The following BTBD16 variants were observed in gnomAD, a reference collection of about 807,000 sequenced individuals.
BTBD16 encodes the protein BTB/POZ domain-containing protein 16.
BTBD16 carries 66 observed loss-of-function variants against 67.4 expected under a neutral mutation model. The observed-to-expected ratio is 0.98, with a 90% CI of 0.80 to 1.20. BTBD16 has a LOEUF of 1.20. Ranked by LOEUF, BTBD16 falls within the 50% of genes most tolerant of loss-of-function variation. The pLI is 0.00. For synonymous variants in BTBD16, 242 were observed against 236.4 expected (o/e 1.02, Z -0.22); for missense variants, 634 against 616.0 (o/e 1.03, Z -0.31).
chr10:122,291,063 T>G lies in BTBD16; in HGVS notation c.476-17T>G, dbSNP rs746137609. ...CAGAGCCCCACACAGATGGCTCGCT[T>G]GGCTGTGCCTCCCCAGCCTTCGCCA... On this transcript the variant is annotated splice_polypyrimidine_tract_variant and intron_variant, in intron 6 of 15. Transcript: ENST00000260723. 6.2e-7 allele frequency: 1 copy of G among 1,605,206 alleles called. No homozygotes were observed. Among genetic ancestry groups the G allele is most frequent in the South Asian group, 1.1e-5 (1 of 89,180 alleles).
At chr10:122,280,217 A>G (rs2096349891) in intron 3 of BTBD16, among the ~76,000 whole-genome samples, 1 of 152,224 alleles carries the variant, frequency 6.6e-6, no homozygotes, top group Non-Finnish European at 1.5e-5. Flanking sequence ...ATTATATGAC[A>G]TGATTCATGT....
rs746223983 is a variant in BTBD16, at chr10:122,297,871, T to TG, written c.660+41dup. 56 of 1,605,570 alleles carry TG rather than the reference T, an allele frequency of 3.5e-5. 1 individual carries two copies. Among genetic ancestry groups the TG allele is most frequent in the Middle Eastern group, 3.3e-4 (2 of 5,998 alleles). ...AACCCAGACGGGGCACATCGCCCCT[T>TG]GGGGGGGCCTTCAGGAGCAGCCTAG... is the stretch of plus-strand genomic sequence containing the variant. On this transcript the variant is annotated intron_variant, in intron 8 of 15. Coordinates refer to ENST00000260723, the MANE Select transcript of BTBD16 (RefSeq NM_144587.5).
chr10:122,295,342 A>G, intron 7 of BTBD16: 1 of 985,420 alleles, frequency 1.0e-6, no homozygotes. Flanking sequence ...GCAGCATCAA[A>G]CTGGGATAAG....
At chr10:122,309,452 C>T (rs1374236987) in intron 10 of BTBD16, among the ~76,000 whole-genome samples, 1 of 151,728 alleles carries the variant, frequency 6.6e-6, no homozygotes, top group Non-Finnish European at 1.5e-5. Flanking sequence ...TCAAGCAATT[C>T]TCCTGCCTCA....
intron 3 of BTBD16, among the ~76,000 whole-genome samples, chr10:122,281,889 G>A (rs1008001485): frequency 3.3e-5 from 5 of 152,146 alleles, no homozygotes; most frequent in African/African-American, 4.8e-5. Context: ...ACTTGGGGGC[G>A]TGAGCTCCAG....
At chr10:122,310,240 A>G (rs1424538936) in intron 10 of BTBD16, among the ~76,000 whole-genome samples, 1 of 152,222 alleles carries the variant, frequency 6.6e-6, no homozygotes, top group Non-Finnish European at 1.5e-5. Flanking sequence ...AAGGATTCTC[A>G]GCTTTTCTGT....
intron 10 of BTBD16, among the ~76,000 whole-genome samples, chr10:122,325,339 G>A (rs2096442552): frequency 6.6e-6 from 1 of 152,206 alleles, no homozygotes; most frequent in Non-Finnish European, 1.5e-5. Flanking sequence ...CATGGAGCTT[G>A]CAATCTAGGA....
At position 122,298,996 on chromosome 10, in the gene BTBD16, T is replaced by G. The variant is rs780168840; in HGVS notation, c.661-8T>G. ...CTTCCTTCATCAACTGGCTTTTTTT[T>G]GTCTTAGTACAAGGAAGAGCAGCTC... On this transcript the variant is annotated splice_region_variant and splice_polypyrimidine_tract_variant and intron_variant, in intron 8 of 15. Transcript: ENST00000260723. 26 of 1,613,096 alleles carry G rather than the reference T, an allele frequency of 1.6e-5. No individual in the cohort carries two copies. Among genetic ancestry groups the G allele is most frequent in the Middle Eastern group, 3.3e-4 (2 of 6,080 alleles).
chr10:122,317,068 C>T (rs971237108), intron 10 of BTBD16, among the ~76,000 whole-genome samples: 1 of 152,060 alleles, frequency 6.6e-6, no homozygotes, highest in African/African-American at 2.4e-5. Flanking sequence ...GGATTACAGG[C>T]GTGAGTCACT....
At chr10:122,311,847 A>G (rs1360189079) in intron 10 of BTBD16, among the ~76,000 whole-genome samples, 2 of 152,158 alleles carry the variant, frequency 1.3e-5, no homozygotes, top group African/African-American at 4.8e-5. Flanking sequence ...TACTACCAAT[A>G]CATCTTCCCT....
intron 9 of BTBD16, among the ~76,000 whole-genome samples, chr10:122,305,643 C>A (rs1000551441): frequency 2.0e-5 from 3 of 152,194 alleles, no homozygotes; most frequent in Non-Finnish European, 4.4e-5. Context: ...AACCTCTTTT[C>A]TTTACAAATT....
Position 122,286,204 on chromosome 10 carries a change from A to G in BTBD16, c.341A>G (p.Gln114Arg). The G allele has an allele frequency of 6.2e-7, 1 of 1,613,860 alleles. No homozygotes were observed. ...AAGCTCTACCTGAAAGCCCTGGCGC[A>G]GGGCACCACACACCCCCTGAGGGAG... ...LAKLYLKALA[Q>R]GTTHPLRELE... Residue 114 changes from glutamine (Q) to arginine (R), a missense_variant, in exon 5 of 16, where the codon CAG becomes CGG. Physicochemically the swap from Gln to Arg is conservative, Grantham distance 43. Coordinates refer to ENST00000260723, the MANE Select transcript of BTBD16 (RefSeq NM_144587.5).
Position 122,299,035 on chromosome 10 carries a change from A to G in BTBD16, c.692A>G (p.Glu231Gly), listed in dbSNP as rs1208561135. The G allele has an allele frequency of 1.2e-6, 2 of 1,614,094 alleles. No individual in the cohort carries two copies. Among genetic ancestry groups the G allele is most frequent in the Admixed American group, 3.3e-5 (2 of 60,008 alleles). Residue 231 changes from glutamate (E) to glycine (G), a missense_variant, in exon 9 of 16, where the codon GAG becomes GGG. Coordinates refer to ENST00000260723, the MANE Select transcript of BTBD16 (RefSeq NM_144587.5). ...GAAGAGCAGCTCACCACCGGCTGCG[A>G]GAAGTGGCTGGAAATGAACTTGGTT... The part of the protein sequence containing the change: ...YKEEQLTTGC[E>G]KWLEMNLVPL...
At chr10:122,283,253 C>T (rs1367049435) in intron 3 of BTBD16, among the ~76,000 whole-genome samples, 3 of 152,194 alleles carry the variant, frequency 2.0e-5, no homozygotes, top group Non-Finnish European at 4.4e-5. Context: ...AAGGCTATAG[C>T]AAGAACAGCA....
At chr10:122,331,803 T>C (rs1478571970) in intron 12 of BTBD16, among the ~76,000 whole-genome samples, 2 of 152,184 alleles carry the variant, frequency 1.3e-5, no homozygotes, top group African/African-American at 4.8e-5. Flanking sequence ...TATGAGTCAC[T>C]AGTTAAAATT....
chr10:122,335,083 T>C, intron 14 of BTBD16, 104 bp downstream of exon 14: 1 of 622,490 alleles, frequency 1.6e-6, no homozygotes, highest in Non-Finnish European at 2.8e-6. Context: ...AATTACTCAT[T>C]GACATGAAAT....
intron 15 of BTBD16, among the ~76,000 whole-genome samples, chr10:122,337,686 C>T (rs538151999): frequency 3.6e-4 from 55 of 152,240 alleles, no homozygotes; most frequent in Non-Finnish European, 5.1e-4. Flanking sequence ...AGGATGGTCT[C>T]GATCTCCTGA....
intron 10 of BTBD16, among the ~76,000 whole-genome samples, chr10:122,318,184 C>T (rs1019568954): frequency 3.3e-5 from 5 of 152,052 alleles, no homozygotes; most frequent in East Asian, 1.9e-4. Flanking sequence ...TAGACTGAAA[C>T]GTTGTTAAGT....
At chr10:122,307,967 G>T (rs1421297925) in intron 10 of BTBD16, among the ~76,000 whole-genome samples, 1 of 152,206 alleles carries the variant, frequency 6.6e-6, no homozygotes, top group Non-Finnish European at 1.5e-5. Context: ...GTTATTTGAG[G>T]AAAGCAGCAT....
Sources: gnomAD v4.1 joint callset for allele counts (sites outside exome capture counted in the v4.1 genomes callset) on GRCh38, gnomAD v4.1.1 for gene constraint, MANE v1.5 for transcripts, NCBI Gene and HGNC (gene_info 2026-07-23, HGNC 2026-07-21) for gene names.